The following YAF2 variants were observed in gnomAD, a reference collection of about 807,000 sequenced individuals.
The protein encoded by YAF2 is YY1-associated factor 2.
A neutral mutation model predicts 20.1 loss-of-function variants in YAF2; 7 were observed. That is an observed-to-expected ratio of 0.35 (90% CI 0.20 to 0.65). YAF2 has a LOEUF of 0.65. Ranked by LOEUF, YAF2 falls within the 30% of genes least tolerant of loss-of-function variation. The probability of loss-of-function intolerance (pLI) is 0.69; values close to 1 mark genes in which losing one functional copy is unlikely to be tolerated. For missense variants in YAF2, 151 were observed against 219.2 expected, an observed-to-expected ratio of 0.69 and a Z score of 1.96; for synonymous variants, 74 against 76.0, an observed-to-expected ratio of 0.97 and a Z score of 0.14.
chr12:42,168,500 G>A (rs1278721002), intron 2 of YAF2, among the ~76,000 whole-genome samples: 3 of 152,068 alleles, frequency 2.0e-5, no homozygotes, highest in African/African-American at 7.2e-5. Context: ...GAAATTTTAT[G>A]TCATAAAATT....
intron 2 of YAF2, among the ~76,000 whole-genome samples, chr12:42,194,617 T>A (rs2066702850): frequency 2.6e-5 from 4 of 152,136 alleles, no homozygotes; most frequent in Non-Finnish European, 5.9e-5. Context: ...GCACAATAAA[T>A]AAATAAATAA....
At chr12:42,229,648 C>G (rs960688040) in intron 2 of YAF2, among the ~76,000 whole-genome samples, 2 of 152,134 alleles carry the variant, frequency 1.3e-5, no homozygotes, top group Non-Finnish European at 2.9e-5. Flanking sequence ...ATTTCATTGT[C>G]AGAACATCAT....
At chr12:42,234,532 A>T in intron 2 of YAF2, 7 of 985,332 alleles carry the variant, frequency 7.1e-6, no homozygotes, top group Non-Finnish European at 7.2e-6. Flanking sequence ...TGAGGAACTG[A>T]AGCTACAACA....
intron 2 of YAF2, among the ~76,000 whole-genome samples, chr12:42,237,234 G>T (rs1376923181): frequency 6.6e-6 from 1 of 152,164 alleles, no homozygotes; most frequent in African/African-American, 2.4e-5. Flanking sequence ...CTCCTAAAGA[G>T]ATTTTATGGG....
At chr12:42,222,008 A>G (rs1490455423) in intron 2 of YAF2, among the ~76,000 whole-genome samples, 1 of 152,238 alleles carries the variant, frequency 6.6e-6, no homozygotes, top group Non-Finnish European at 1.5e-5. Flanking sequence ...ATTCTCAGTA[A>G]TTCTATAATT....
chr12:42,193,289 T>C (rs1407314203), intron 2 of YAF2, among the ~76,000 whole-genome samples: 3 of 146,916 alleles, frequency 2.0e-5, no homozygotes, highest in Non-Finnish European at 4.5e-5. Flanking sequence ...CACCCCAGCC[T>C]GGGCGACAGA....
intron 2 of YAF2, among the ~76,000 whole-genome samples, chr12:42,173,886 A>G (rs1189072001): frequency 6.6e-6 from 1 of 152,132 alleles, no homozygotes; most frequent in African/African-American, 2.4e-5. Flanking sequence ...CTATTCGATT[A>G]GAATGTCCAC....
chr12:42,227,992 T>A (rs1198323479), intron 2 of YAF2, among the ~76,000 whole-genome samples: 21 of 98,796 alleles, frequency 2.1e-4, no homozygotes, highest in Admixed American at 1.4e-3. Flanking sequence ...GCCCCCCGCC[T>A]GGCCAGCCGC....
At chr12:42,204,720 T>C (rs369020628) in intron 2 of YAF2, among the ~76,000 whole-genome samples, 2 of 152,324 alleles carry the variant, frequency 1.3e-5, no homozygotes, top group Non-Finnish European at 2.9e-5. Flanking sequence ...CATACGATGA[T>C]GTATTATTAT....
intron 2 of YAF2, among the ~76,000 whole-genome samples, chr12:42,172,778 G>A (rs12582890): frequency 0.21 from 31,580 of 152,078 alleles, 3,402 homozygotes; most frequent in Admixed American, 0.25. Flanking sequence ...CAAATATGGT[G>A]TATATTCATA....
intron 2 of YAF2, among the ~76,000 whole-genome samples, chr12:42,209,230 T>C (rs541331462): frequency 1.7e-4 from 25 of 151,464 alleles, no homozygotes; most frequent in Admixed American, 3.3e-4. Context: ...TCAAGATACA[T>C]TGAAAACTGT....
At chr12:42,237,410 A>G (rs1336653845) in intron 2 of YAF2, 189 bp downstream of exon 2, 1 of 1,292,246 alleles carries the variant, frequency 7.7e-7, no homozygotes, top group Non-Finnish European at 9.8e-7. Flanking sequence ...CAGCCTCTTC[A>G]ATTACCCCTC....
intron 2 of YAF2, among the ~76,000 whole-genome samples, chr12:42,182,071 A>T (rs1445308065): frequency 6.6e-6 from 1 of 152,204 alleles, no homozygotes; most frequent in Non-Finnish European, 1.5e-5. Context: ...AAGGTTTTAT[A>T]AAACAAGGGC....
intron 2 of YAF2, among the ~76,000 whole-genome samples, chr12:42,220,663 A>G (rs2067486171): frequency 6.6e-6 from 1 of 152,212 alleles, no homozygotes; most frequent in Non-Finnish European, 1.5e-5. Context: ...AAAATCATTT[A>G]CTTGCTGCCA....
At chr12:42,229,038 T>C (rs1451688055) in intron 2 of YAF2, among the ~76,000 whole-genome samples, 164 of 44,886 alleles carry the variant, frequency 3.7e-3, no homozygotes, top group African/African-American at 0.023. Context: ...GAAGTAGACA[T>C]GGGAGACTTT....
At chr12:42,237,396 G>A (rs1027170517) in intron 2 of YAF2, 2 of 1,279,672 alleles carry the variant, frequency 1.6e-6, no homozygotes, top group Non-Finnish European at 2.0e-6. Context: ...AGCAAAAAAC[G>A]TTACAGCCTC....
chr12:42,237,101 C>G (rs558899970), intron 2 of YAF2, among the ~76,000 whole-genome samples: 90 of 152,278 alleles, frequency 5.9e-4, no homozygotes, highest in African/African-American at 2.1e-3. Context: ...AATAAAAACA[C>G]TAAATAAAAC....
At chr12:42,235,449 C>G in intron 2 of YAF2, 2 of 1,188,524 alleles carry the variant, frequency 1.7e-6, no homozygotes, top group Admixed American at 3.8e-5. Flanking sequence ...CCACACTGTT[C>G]TATACAAACA....
chr12:42,209,906 C>T (rs1207355285), intron 2 of YAF2, among the ~76,000 whole-genome samples: 1 of 152,212 alleles, frequency 6.6e-6, no homozygotes, highest in African/African-American at 2.4e-5. Context: ...TCAAGCGATT[C>T]TCCTGCCTCA....
Sources: allele counts gnomAD v4.1 joint callset (sites outside exome capture counted in the v4.1 genomes callset), GRCh38; gene constraint gnomAD v4.1.1; transcripts MANE v1.5; gene names NCBI Gene and HGNC (gene_info 2026-07-23, HGNC 2026-07-21).